Variants in KIF5C observed in about 807,000 individuals in gnomAD.
KIF5C encodes the protein kinesin heavy chain isoform 5C.
KIF5C carries 18 observed loss-of-function variants against 125.2 expected under a neutral mutation model. That is an observed-to-expected ratio of 0.14 (90% CI 0.10 to 0.21). KIF5C has a LOEUF of 0.21. Among genes scored for constraint, KIF5C ranks in the 10% least tolerant of loss-of-function variants. KIF5C has a pLI of 1.00. For synonymous variants in KIF5C, 405 were observed against 434.0 expected, an observed-to-expected ratio of 0.93 and a Z score of 0.83; for missense variants, 780 against 1,183.8, an observed-to-expected ratio of 0.66 and a Z score of 5.01.
At position 149,011,622 on chromosome 2, in the gene KIF5C, T is replaced by C. The variant is rs1271659702; in HGVS notation, c.2820T>C (p.His940=). The C allele has an allele frequency of 1.9e-6, 3 of 1,613,970 alleles. No individual in the cohort carries two copies. The highest frequency in any genetic ancestry group is 2.7e-5 in the African/African-American group (2 of 74,952). ...CGGCCTCATCTCCAACGGCCGTCCA[T>C]GCCATTCGAGGGGGAGGAGGCAGCT... ...HYPASSPTAV[H]AIRGGGGSSS... is the part of the protein sequence containing the mutation. The change falls in exon 25 of 26, where the codon CAT becomes CAC. Residue 940 remains histidine (H), a synonymous_variant. Coordinates refer to ENST00000435030, the MANE Select transcript of KIF5C (RefSeq NM_004522.3).
intron 4 of KIF5C, among the ~76,000 whole-genome samples, chr2:148,939,171 A>T (rs1431917905): frequency 6.6e-6 from 1 of 151,832 alleles, no homozygotes; most frequent in African/African-American, 2.4e-5. Flanking sequence ...CTAAGAATAG[A>T]CCCTAGGTCT....
intron 1 of KIF5C, among the ~76,000 whole-genome samples, chr2:148,914,430 C>T (rs756092600): frequency 7.9e-5 from 12 of 152,362 alleles, no homozygotes; most frequent in African/African-American, 1.9e-4. Flanking sequence ...CATTATCACT[C>T]GGGCAGTTTG....
intron 11 of KIF5C, among the ~76,000 whole-genome samples, chr2:148,966,947 A>C (rs1273331533): frequency 6.6e-6 from 1 of 152,204 alleles, no homozygotes; most frequent in African/African-American, 2.4e-5. Context: ...AACTGTAAGT[A>C]ATAAATTCTT....
intron 3 of KIF5C, among the ~76,000 whole-genome samples, chr2:148,933,107 C>T (rs1682215012): frequency 6.6e-6 from 1 of 152,074 alleles, no homozygotes; most frequent in Admixed American, 6.5e-5. Flanking sequence ...CTAAAATACA[C>T]TTTCACTGTT....
At chr2:149,000,921 T>C in intron 21 of KIF5C, 139 bp downstream of exon 21, 1 of 1,449,196 alleles carries the variant, frequency 6.9e-7, no homozygotes, top group South Asian at 1.4e-5. Flanking sequence ...AAAAGTAGGA[T>C]TTGTAGAATT....
chr2:148,947,765 TC>T (rs146108892), intron 8 of KIF5C: 1 of 392,900 alleles, frequency 2.5e-6, no homozygotes, highest in East Asian at 7.4e-5. Flanking sequence ...GGCACTGACC[TC>T]CCTCGAGCAA....
chr2:148,925,423 A>C (rs1681951641), intron 2 of KIF5C, among the ~76,000 whole-genome samples: 1 of 152,244 alleles, frequency 6.6e-6, no homozygotes, highest in African/African-American at 2.4e-5. Context: ...AAATATTTTT[A>C]GCTGTGACTT....
At chr2:148,940,202 C>T (rs1406083132) in intron 4 of KIF5C, among the ~76,000 whole-genome samples, 1 of 152,078 alleles carries the variant, frequency 6.6e-6, no homozygotes, top group Non-Finnish European at 1.5e-5. Context: ...TTAGAGATGT[C>T]CAGGATTGGA....
chr2:148,964,554 C>G (rs1401464813), intron 11 of KIF5C, among the ~76,000 whole-genome samples: 2 of 152,172 alleles, frequency 1.3e-5, no homozygotes, highest in African/African-American at 4.8e-5. Context: ...TGATGGTAGT[C>G]CACGCTGCAT....
intron 12 of KIF5C, 114 bp from the exon 13 acceptor site, chr2:148,978,808 A>G (rs925272914): frequency 7.0e-5 from 96 of 1,372,138 alleles, no homozygotes; most frequent in Non-Finnish European, 8.6e-5. Flanking sequence ...CAGTAACACC[A>G]CACTATTCCT....
chr2:148,964,729 C>T lies in KIF5C; in HGVS notation c.1117+2610C>T, dbSNP rs777096829. Among the ~76,000 whole-genome samples, 8 of 152,084 alleles carry T rather than the reference C, an allele frequency of 5.3e-5. No homozygotes were observed. The East Asian group carries it at 5.8e-4, about 11-fold the overall frequency. The stretch of plus-strand genomic sequence containing the variant: ...GGGGCATGAGGTGAGGTGGGGGCTC[C>T]GAGAATGGAGGACATAGGCCAGCAG... On this transcript the variant is annotated intron_variant, in intron 11 of 25. Coordinates refer to ENST00000435030, the MANE Select transcript of KIF5C (RefSeq NM_004522.3).
chr2:148,959,222 C>T (rs1468258874), intron 10 of KIF5C, among the ~76,000 whole-genome samples: 5 of 152,172 alleles, frequency 3.3e-5, no homozygotes, highest in Non-Finnish European at 5.9e-5. Context: ...TGACTGTCAT[C>T]TGAGTGCCTG....
intron 12 of KIF5C, among the ~76,000 whole-genome samples, chr2:148,975,155 A>T (rs1484429110): frequency 5.3e-5 from 8 of 152,150 alleles, no homozygotes; most frequent in Non-Finnish European, 4.4e-5. Context: ...CCCTCACATG[A>T]TGATGCTGAG....
chr2:148,902,047 C>T (rs995763434), intron 1 of KIF5C, among the ~76,000 whole-genome samples: 8 of 152,200 alleles, frequency 5.3e-5, no homozygotes, highest in Non-Finnish European at 1.2e-4. Flanking sequence ...ACCTCTTCAC[C>T]GGGTTTGCTG....
intron 1 of KIF5C, among the ~76,000 whole-genome samples, chr2:148,889,670 G>A (rs939415029): frequency 2.0e-5 from 3 of 152,318 alleles, no homozygotes; most frequent in Admixed American, 1.3e-4. Context: ...ATGTTTGACT[G>A]CTTCTGGTAG....
intron 15 of KIF5C, 22 bp downstream of exon 15, chr2:148,983,788 C>T (rs1681300692): frequency 6.3e-7 from 1 of 1,576,290 alleles, no homozygotes; most frequent in Non-Finnish European, 8.6e-7. Flanking sequence ...CTTCTTTTAT[C>T]CTCTCTACCT....
At chr2:148,972,110 C>T (rs568539387) in intron 11 of KIF5C, among the ~76,000 whole-genome samples, 1 of 152,158 alleles carries the variant, frequency 6.6e-6, no homozygotes, top group African/African-American at 2.4e-5. Context: ...AATTTTTGTA[C>T]AAATACTAAG....
intron 18 of KIF5C, chr2:148,998,104 C>T (rs1681732774): frequency 2.4e-6 from 1 of 411,784 alleles, no homozygotes; most frequent in South Asian, 2.6e-5. Context: ...TGCCCTCTGA[C>T]TGACCTGGCT....
intron 25 of KIF5C, among the ~76,000 whole-genome samples, chr2:149,017,717 A>G (rs776470414): frequency 2.0e-5 from 3 of 152,226 alleles, no homozygotes; most frequent in Non-Finnish European, 4.4e-5. Flanking sequence ...TTTGAAAGGA[A>G]TACAATTCTC....
Sources: allele counts gnomAD v4.1 joint callset (sites outside exome capture counted in the v4.1 genomes callset), GRCh38; gene constraint gnomAD v4.1.1; transcripts MANE v1.5; gene names NCBI Gene and HGNC (gene_info 2026-07-23, HGNC 2026-07-21).